PTPRD: variants seen among roughly 807,000 people sequenced by gnomAD.
PTPRD encodes receptor-type tyrosine-protein phosphatase delta.
A neutral mutation model predicts 214.5 loss-of-function variants in PTPRD; 34 were observed. That is an observed-to-expected ratio of 0.16 (90% CI 0.12 to 0.21). PTPRD has a LOEUF of 0.21. Ranked by LOEUF, PTPRD falls within the 10% of genes least tolerant of loss-of-function variation. The pLI, the probability that PTPRD is intolerant of heterozygous loss-of-function variation, is 1.00. For synonymous variants in PTPRD, 1,128 were observed against 845.7 expected (o/e 1.33, Z -5.79); for missense variants, 2,545 against 2,398.7 (o/e 1.06, Z -1.27).
chr9:10,273,124 A>G (rs1323504), intron 3 of PTPRD, among the ~76,000 whole-genome samples: 26,359 of 152,174 alleles, frequency 0.17, 2,357 homozygotes, highest in African/African-American at 0.21. Flanking sequence ...CCTTTTGCAG[A>G]TGATGTACCT....
intron 3 of PTPRD, among the ~76,000 whole-genome samples, chr9:10,087,236 A>T (rs1383545146): frequency 2.6e-5 from 4 of 151,652 alleles, no homozygotes; most frequent in South Asian, 2.1e-4. Flanking sequence ...ATACATACAC[A>T]TATGCATATT....
chr9:9,865,838 T>C (rs2063816926), intron 5 of PTPRD, among the ~76,000 whole-genome samples: 3 of 152,242 alleles, frequency 2.0e-5, no homozygotes, highest in Admixed American at 1.3e-4. Context: ...ATTTAGCTCT[T>C]TTCAAAGCAA....
intron 10 of PTPRD, among the ~76,000 whole-genome samples, chr9:9,168,150 T>G (rs2099907793): frequency 6.6e-6 from 1 of 152,152 alleles, no homozygotes; most frequent in Admixed American, 6.5e-5. Context: ...TTGTGTACGG[T>G]TCTTTTCTTG....
At chr9:9,390,425 C>G (rs760725784) in intron 9 of PTPRD, among the ~76,000 whole-genome samples, 6 of 152,084 alleles carry the variant, frequency 3.9e-5, no homozygotes, top group Non-Finnish European at 7.4e-5. Flanking sequence ...AAATACTCGT[C>G]CACTCTATCA....
At chr9:10,166,642 T>A (rs1181977111) in intron 3 of PTPRD, among the ~76,000 whole-genome samples, 1 of 152,004 alleles carries the variant, frequency 6.6e-6, no homozygotes, top group African/African-American at 2.4e-5. Flanking sequence ...TGCTGTGAGT[T>A]CAAATCAAAT....
At chr9:10,152,708 C>G (rs926697631) in intron 3 of PTPRD, among the ~76,000 whole-genome samples, 3 of 152,118 alleles carry the variant, frequency 2.0e-5, no homozygotes, top group African/African-American at 7.2e-5. Context: ...GCCTGTAATC[C>G]CAGCTACTCA....
At chr9:9,732,393 C>T (rs750448056) in intron 7 of PTPRD, among the ~76,000 whole-genome samples, 8 of 151,928 alleles carry the variant, frequency 5.3e-5, no homozygotes, top group Non-Finnish European at 8.8e-5. Flanking sequence ...AATCCATCAC[C>T]TGGTAGTATA....
intron 5 of PTPRD, among the ~76,000 whole-genome samples, chr9:9,899,734 A>T (rs1009776664): frequency 1.3e-5 from 2 of 152,156 alleles, no homozygotes; most frequent in Non-Finnish European, 2.9e-5. Context: ...AGTATGTGGA[A>T]GAGATATCTG....
At chr9:8,595,998 G>A (rs1011062892) in intron 14 of PTPRD, among the ~76,000 whole-genome samples, 10 of 152,134 alleles carry the variant, frequency 6.6e-5, no homozygotes, top group African/African-American at 2.4e-4. Flanking sequence ...GAAATAACAG[G>A]CTGATCAAGG....
rs891212219 is a variant in PTPRD, at chr9:8,742,034, G to C, written c.-103-8088C>G. Among the ~76,000 whole-genome samples, 36 of 152,062 alleles carry C rather than the reference G, an allele frequency of 2.4e-4. 1 individual carries two copies. The highest frequency in any genetic ancestry group is 2.4e-3 in the Admixed American group (36 of 15,256). On this transcript the variant is annotated intron_variant, in intron 11 of 45. Transcript: ENST00000381196. The stretch of plus-strand genomic sequence containing the variant: ...CACCATAAGCCTAATTTATCATGAA[G>C]CGATTATGCACCTGTTCCAAAATTT...
At chr9:10,511,748 G>C (rs1009362551) in intron 2 of PTPRD, among the ~76,000 whole-genome samples, 1 of 150,088 alleles carries the variant, frequency 6.7e-6, no homozygotes, top group African/African-American at 2.5e-5. Flanking sequence ...ACATTCTATA[G>C]TTGTGTAATG....
At chr9:10,058,525 C>T (rs1175011333) in intron 3 of PTPRD, among the ~76,000 whole-genome samples, 1 of 152,004 alleles carries the variant, frequency 6.6e-6, no homozygotes, top group African/African-American at 2.4e-5. Context: ...GTTAATTTTG[C>T]CTCAATTTCT....
intron 2 of PTPRD, among the ~76,000 whole-genome samples, chr9:10,504,954 T>A (rs750175977): frequency 6.6e-6 from 1 of 152,170 alleles, no homozygotes; most frequent in African/African-American, 2.4e-5. Flanking sequence ...CACTGGTGTA[T>A]CTGCTACAAC....
chr9:8,548,384 T>G (rs985498011), intron 14 of PTPRD, among the ~76,000 whole-genome samples: 1 of 152,040 alleles, frequency 6.6e-6, no homozygotes, highest in African/African-American at 2.4e-5. Context: ...TGTTTTTTTT[T>G]TGAGAGAGGT....
intron 2 of PTPRD, 118 bp from the exon 3 acceptor site, chr9:10,341,135 G>T (rs960071273): frequency 6.6e-6 from 1 of 151,912 alleles, no homozygotes; most frequent in Non-Finnish European, 1.5e-5. Flanking sequence ...AGCATTAAAA[G>T]CAGAGTTGTT....
intron 7 of PTPRD, among the ~76,000 whole-genome samples, chr9:9,597,076 A>G (rs541650715): frequency 6.6e-6 from 1 of 152,126 alleles, no homozygotes; most frequent in East Asian, 1.9e-4. Context: ...CCCAGTAGTC[A>G]TTGAAAAACG....
chr9:8,651,136 G>A (rs1302157599), intron 12 of PTPRD, among the ~76,000 whole-genome samples: 1 of 152,106 alleles, frequency 6.6e-6, no homozygotes, highest in East Asian at 1.9e-4. Flanking sequence ...TTAGAGTGAA[G>A]AGAAAGAATC....
chr9:8,956,571 A>T (rs568761717), intron 11 of PTPRD, among the ~76,000 whole-genome samples: 1 of 151,968 alleles, frequency 6.6e-6, no homozygotes, highest in Non-Finnish European at 1.5e-5. Flanking sequence ...ATTTCTTTGA[A>T]AAACAACAGC....
At chr9:9,471,391 T>C (rs1216222172) in intron 8 of PTPRD, among the ~76,000 whole-genome samples, 2 of 152,172 alleles carry the variant, frequency 1.3e-5, no homozygotes, top group East Asian at 1.9e-4. Flanking sequence ...AAAGCGATCA[T>C]ATTTCATTGG....
Sources: gnomAD v4.1 joint callset for allele counts (sites outside exome capture counted in the v4.1 genomes callset) on GRCh38, gnomAD v4.1.1 for gene constraint, MANE v1.5 for transcripts, NCBI Gene and HGNC (gene_info 2026-07-23, HGNC 2026-07-21) for gene names.